The following PCDHA12 variants were observed in gnomAD, a reference collection of about 807,000 sequenced individuals.
PCDHA12 encodes the protein protocadherin alpha-12.
PCDHA12 carries 44 observed loss-of-function variants against 60.0 expected under a neutral mutation model. The observed-to-expected ratio is 0.73, with a 90% CI of 0.58 to 0.94. The LOEUF is 0.94. Among genes scored for constraint, PCDHA12 ranks in the 40% least tolerant of loss-of-function variants. The pLI is 0.00. For synonymous variants in PCDHA12, 569 were observed against 553.0 expected, an observed-to-expected ratio of 1.03 and a Z score of -0.40; for missense variants, 1,276 against 1,239.7, an observed-to-expected ratio of 1.03 and a Z score of -0.44.
intron 3 of PCDHA12, among the ~76,000 whole-genome samples, chr5:140,990,571 G>A (rs996259729): frequency 6.6e-6 from 1 of 152,102 alleles, no homozygotes; most frequent in Non-Finnish European, 1.5e-5. Flanking sequence ...ACACCTGTTC[G>A]ATCTCTTTTC....
At chr5:140,914,393 C>A (rs1338816793) in intron 1 of PCDHA12, among the ~76,000 whole-genome samples, 1 of 152,080 alleles carries the variant, frequency 6.6e-6, no homozygotes, top group Non-Finnish European at 1.5e-5. Context: ...AGTGTAGTTA[C>A]CCCTGCTCCT....
intron 1 of PCDHA12, among the ~76,000 whole-genome samples, chr5:140,916,528 C>T (rs2077601043): frequency 6.6e-6 from 1 of 152,154 alleles, no homozygotes; most frequent in South Asian, 2.1e-4. Context: ...TGGGTCCTTC[C>T]CACCAAGGCA....
chr5:140,898,338 C>G (rs2066670384), intron 1 of PCDHA12, among the ~76,000 whole-genome samples: 2 of 152,188 alleles, frequency 1.3e-5, no homozygotes, highest in African/African-American at 2.4e-5. Flanking sequence ...ACGTTTAAGT[C>G]TTTAATCCAT....
At chr5:140,981,203 C>T (rs2096922514) in intron 2 of PCDHA12, among the ~76,000 whole-genome samples, 1 of 152,212 alleles carries the variant, frequency 6.6e-6, no homozygotes, top group South Asian at 2.1e-4. Flanking sequence ...TCTGTTGCCT[C>T]ATATAACCCC....
At chr5:140,914,065 C>CTCCA (rs2076587155) in intron 1 of PCDHA12, among the ~76,000 whole-genome samples, 1 of 152,106 alleles carries the variant, frequency 6.6e-6, no homozygotes. Flanking sequence ...GGATGAAATG[C>CTCCA]TCCATAACTA....
chr5:140,958,295 C>A (rs1405336220), intron 1 of PCDHA12, among the ~76,000 whole-genome samples: 1 of 151,884 alleles, frequency 6.6e-6, no homozygotes, highest in African/African-American at 2.4e-5. Context: ...TATTATTGAA[C>A]TTAATTAAAA....
intron 1 of PCDHA12, chr5:140,967,752 C>T: frequency 1.2e-6 from 2 of 1,614,194 alleles, no homozygotes; most frequent in Middle Eastern, 1.6e-4. Context: ...GAGGAAGCCT[C>T]CTCCTACCAG....
chr5:140,921,215 CT>C (rs2080099389), intron 1 of PCDHA12, among the ~76,000 whole-genome samples: 1 of 151,942 alleles, frequency 6.6e-6, no homozygotes, highest in Admixed American at 6.6e-5. Context: ...TAATTCACGT[CT>C]TTTTTGCTAG....
intron 3 of PCDHA12, among the ~76,000 whole-genome samples, chr5:141,008,162 G>A (rs1280112352): frequency 6.6e-6 from 1 of 152,128 alleles, no homozygotes; most frequent in East Asian, 1.9e-4. Flanking sequence ...ATAAGATGAG[G>A]ACTAAAATGT....
chr5:140,877,308 A>C lies in PCDHA12; in HGVS notation c.1836A>C (p.Gln612His), dbSNP rs2057012120. ...GYNAWLSYEL[Q>H]PAAVGAHIPF... ...ACGCTTGGCTGTCCTACGAGTTGCAACCGGCGGCGGTCGGCGCGCACATCC... is the reference window on the plus strand; with the variant it reads ...ACGCTTGGCTGTCCTACGAGTTGCACCCGGCGGCGGTCGGCGCGCACATCC... Residue 612 changes from glutamine to histidine, a missense_variant, in exon 1 of 4, where the codon CAA becomes CAC. By Grantham distance (24) the Gln-to-His change is conservative (BLOSUM62 0). Coordinates refer to ENST00000398631, the MANE Select transcript of PCDHA12 (RefSeq NM_018903.4). The C allele has an allele frequency of 1.9e-6, 3 of 1,613,898 alleles. No individual in the cohort carries two copies. In the East Asian group the frequency reaches 6.7e-5, roughly 36 times the overall value.
intron 1 of PCDHA12, chr5:140,969,617 A>G (rs2096348108): frequency 4.3e-6 from 3 of 705,552 alleles, no homozygotes; most frequent in Non-Finnish European, 6.8e-6. Context: ...ACAGATTTGT[A>G]GAGAAACAGG....
chr5:140,975,601 GA>G (rs781785883), intron 1 of PCDHA12, among the ~76,000 whole-genome samples: 1 of 152,192 alleles, frequency 6.6e-6, no homozygotes, highest in Non-Finnish European at 1.5e-5. Flanking sequence ...GCAATTTGTT[GA>G]TGTCTTCCAC....
intron 1 of PCDHA12, among the ~76,000 whole-genome samples, chr5:140,917,183 A>T (rs2077937210): frequency 6.6e-6 from 1 of 152,132 alleles, no homozygotes; most frequent in African/African-American, 2.4e-5. Flanking sequence ...GTGATCCCAG[A>T]GTGTCTCTCC....
In PCDHA12 at chr5:140,876,662, T is replaced by C; in HGVS notation, c.1190T>C (p.Leu397Pro). Reference sequence around the variant, plus strand: ...CTGACACCTCATGTTCCCTTCAAGCTGGTGTCCACCTACAAGAATTACTAC... The same window carrying C: ...CTGACACCTCATGTTCCCTTCAAGCCGGTGTCCACCTACAAGAATTACTAC... Reference protein sequence around the residue: ...CSLTPHVPFKLVSTYKNYYSL... With the variant: ...CSLTPHVPFKPVSTYKNYYSL... The change falls in exon 1 of 4, where the codon CTG (leucine) becomes CCG (proline). Residue 397 changes from leucine (L) to proline (P), a missense_variant. Physicochemically the swap from Leu to Pro is moderately conservative, Grantham distance 98. Transcript: ENST00000398631. 1 of 1,614,232 alleles carries C rather than the reference T, an allele frequency of 6.2e-7. No individual in the cohort carries two copies. The highest frequency in any genetic ancestry group is 8.5e-7 in the Non-Finnish European group (1 of 1,180,048).
chr5:140,926,539 G>A (rs910445315), intron 1 of PCDHA12: 2 of 216,944 alleles, frequency 9.2e-6, no homozygotes, highest in Non-Finnish European at 1.8e-5. Flanking sequence ...AGCCAGCGTG[G>A]TGGTCGAGAC....
chr5:140,985,901 G>A (rs995663051), intron 3 of PCDHA12, among the ~76,000 whole-genome samples: 3 of 151,818 alleles, frequency 2.0e-5, no homozygotes, highest in Non-Finnish European at 2.9e-5. Flanking sequence ...CACCACTCCC[G>A]TCTAATTTTT....
At chr5:140,986,246 C>G (rs561365390) in intron 3 of PCDHA12, among the ~76,000 whole-genome samples, 1 of 152,296 alleles carries the variant, frequency 6.6e-6, no homozygotes, top group South Asian at 2.1e-4. Flanking sequence ...TGAGCAGACC[C>G]GGACCACAGG....
intron 1 of PCDHA12, chr5:140,883,733 C>G (rs1554179634): frequency 3.1e-6 from 5 of 1,613,458 alleles, no homozygotes; most frequent in African/African-American, 1.3e-5. Flanking sequence ...GGAGAACGCG[C>G]TGGTCTCCTA....
chr5:140,938,807 A>G (rs1253557528), intron 1 of PCDHA12, among the ~76,000 whole-genome samples: 1 of 152,020 alleles, frequency 6.6e-6, no homozygotes, highest in Non-Finnish European at 1.5e-5. Context: ...GGTACCACAA[A>G]CCCCTGTGAC....
Sources: allele counts gnomAD v4.1 joint callset (sites outside exome capture counted in the v4.1 genomes callset), GRCh38; gene constraint gnomAD v4.1.1; transcripts MANE v1.5; gene names NCBI Gene and HGNC (gene_info 2026-07-23, HGNC 2026-07-21).